The following UGT1A10 variants were observed in gnomAD, a reference collection of about 807,000 sequenced individuals.
UGT1A10 encodes the protein UDP glucuronosyltransferase family 1 member A10.
In UGT1A10, 49 loss-of-function variants were observed where a neutral mutation model predicts 45.8. That is an observed-to-expected ratio of 1.07 (90% CI 0.85 to 1.36). The LOEUF is 1.36. Among genes scored for constraint, UGT1A10 ranks in the 40% most tolerant of loss-of-function variants. The probability of loss-of-function intolerance (pLI) is 0.00; values close to 1 mark genes in which losing one functional copy is unlikely to be tolerated. For synonymous variants in UGT1A10, 284 were observed against 249.7 expected, an observed-to-expected ratio of 1.14 and a Z score of -1.29; for missense variants, 745 against 668.6, an observed-to-expected ratio of 1.11 and a Z score of -1.26.
Position 233,672,614 on chromosome 2 carries a change from C to T in UGT1A10, c.855+35237C>T, listed in dbSNP as rs1257709342. The T allele has an allele frequency of 1.9e-6, 3 of 1,613,722 alleles. No homozygotes were observed. The highest frequency in any genetic ancestry group is 4.5e-5 in the East Asian group (2 of 44,870). On this transcript the variant is annotated intron_variant, in intron 1 of 4. Transcript: ENST00000344644. ...TTATGCCACCGTTTTTTCAAAAATGCCCTAGAAATAGCCTCTGAAATTCTC... is the reference window on the plus strand; with the variant it reads ...TTATGCCACCGTTTTTTCAAAAATGTCCTAGAAATAGCCTCTGAAATTCTC...
intron 1 of UGT1A10, among the ~76,000 whole-genome samples, chr2:233,660,523 G>A (rs17863772): frequency 0.012 from 1,866 of 152,276 alleles, 16 homozygotes; most frequent in Admixed American, 0.02. Context: ...TGGAAAAAGT[G>A]TTTCTGTTGT....
At chr2:233,759,599 A>ACCCCCCCCCC (rs1553620419) in intron 1 of UGT1A10, among the ~76,000 whole-genome samples, 229 of 108,538 alleles carry the variant, frequency 2.1e-3, no homozygotes, top group African/African-American at 3.4e-3. Flanking sequence ...CCCACCCCCG[A>ACCCCCCCCCC]CCCGCCCCAC....
chr2:233,767,827 C>T (rs1252355867), intron 2 of UGT1A10, 22 bp from the exon 3 acceptor site: 1 of 1,614,176 alleles, frequency 6.2e-7, no homozygotes, highest in Non-Finnish European at 8.5e-7. Flanking sequence ...TCTTTACGTT[C>T]TGCTCTTTTT....
intron 1 of UGT1A10, among the ~76,000 whole-genome samples, chr2:233,684,736 A>G (rs45548336): frequency 0.02 from 3,110 of 152,174 alleles, 109 homozygotes; most frequent in African/African-American, 0.071. Context: ...TAGAAAATAA[A>G]TATAATTATC....
intron 1 of UGT1A10, chr2:233,682,347 TAAAGG>T: frequency 6.2e-7 from 1 of 1,614,138 alleles, no homozygotes; most frequent in Admixed American, 1.7e-5. Flanking sequence ...GTAGAATACT[TAAAGG>T]AGAGTTGTTT....
At chr2:233,744,039 G>C (rs1692664122) in intron 1 of UGT1A10, 1 of 770,658 alleles carries the variant, frequency 1.3e-6, no homozygotes, top group Non-Finnish European at 1.8e-6. Flanking sequence ...TTATGACGCA[G>C]CCACATCTCA....
intron 1 of UGT1A10, among the ~76,000 whole-genome samples, chr2:233,692,590 G>A (rs1014156032): frequency 6.6e-6 from 1 of 152,164 alleles, no homozygotes; most frequent in African/African-American, 2.4e-5. Flanking sequence ...GAATAGGTCC[G>A]TGTGCAAGAA....
intron 1 of UGT1A10, among the ~76,000 whole-genome samples, chr2:233,644,892 C>T (rs1448597697): frequency 6.6e-6 from 1 of 152,042 alleles, no homozygotes; most frequent in Non-Finnish European, 1.5e-5. Context: ...TAGTTGCTAA[C>T]TTGGTGTCTT....
rs1692776441 is a variant in UGT1A10 at position 233,744,329 on chromosome 2, T to A, written c.856-22705T>A. ...AGGGAAGAGGGTGGTGGGAGTGAGT[T>A]TAGTCTGACTGGGGCTGAAGACATC... On this transcript the variant is annotated intron_variant, in intron 1 of 4. Transcript: ENST00000344644. 1.3e-5 allele frequency among the ~76,000 whole-genome samples: 2 copies of A among 151,824 alleles called. 1 individual carries two copies. The highest frequency in any genetic ancestry group is 4.9e-5 in the African/African-American group (2 of 41,084).
intron 1 of UGT1A10, chr2:233,719,331 T>C: frequency 6.2e-7 from 1 of 1,613,868 alleles, no homozygotes; most frequent in Non-Finnish European, 8.5e-7. Flanking sequence ...TCCTGCTGTG[T>C]TTTTTTGGAG....
intron 1 of UGT1A10, chr2:233,747,202 T>G: frequency 5.0e-6 from 8 of 1,604,908 alleles, no homozygotes; most frequent in South Asian, 1.1e-5. Context: ...GCTGTCCGTG[T>G]CTTCTGCTGA....
In UGT1A10 at chr2:233,772,247, T is replaced by C. The variant is rs192933567; in HGVS notation, c.1296-15T>C. The C allele has an allele frequency of 3.1e-6, 5 of 1,614,090 alleles. No individual in the cohort carries two copies. In the African/African-American group the frequency reaches 5.3e-5, roughly 17 times the overall value. On this transcript the variant is annotated splice_polypyrimidine_tract_variant and intron_variant, in intron 4 of 4. Transcript: ENST00000344644. ...ACAGGTGTTCCAGGCATAACGAAAC[T>C]GTCTTTGTGTTTAGTTACAAGGAGA...
chr2:233,725,861 T>C (rs1225689926), intron 1 of UGT1A10, among the ~76,000 whole-genome samples: 2 of 152,194 alleles, frequency 1.3e-5, no homozygotes, highest in East Asian at 1.9e-4. Context: ...ATTCCCCATC[T>C]CTTTTAATTT....
intron 1 of UGT1A10, among the ~76,000 whole-genome samples, chr2:233,737,688 T>C (rs2078910745): frequency 6.6e-6 from 1 of 152,202 alleles, no homozygotes; most frequent in Non-Finnish European, 1.5e-5. Context: ...TGGCCATTGG[T>C]GCTGAAGCTT....
At chr2:233,754,510 C>T in intron 1 of UGT1A10, 1 of 361,188 alleles carries the variant, frequency 2.8e-6, no homozygotes. Flanking sequence ...GCTATTCCTC[C>T]AGATGTGCTT....
chr2:233,744,852 T>C (rs17864703), intron 1 of UGT1A10, among the ~76,000 whole-genome samples: 15 of 152,070 alleles, frequency 9.9e-5, no homozygotes, highest in Non-Finnish European at 1.3e-4. Flanking sequence ...AGAGTAGTCC[T>C]TGGTATTCTG....
At chr2:233,677,080 A>C (rs1298485853) in intron 1 of UGT1A10, among the ~76,000 whole-genome samples, 1 of 152,144 alleles carries the variant, frequency 6.6e-6, no homozygotes, top group Non-Finnish European at 1.5e-5. Flanking sequence ...AATGTGTGCA[A>C]AAATCCTGCT....
intron 1 of UGT1A10, chr2:233,648,815 A>C (rs1474378429): frequency 9.9e-7 from 1 of 1,005,078 alleles, no homozygotes; most frequent in Admixed American, 1.8e-5. Flanking sequence ...TTCTACTTAG[A>C]GGAGCATTTA....
intron 1 of UGT1A10, among the ~76,000 whole-genome samples, chr2:233,670,991 G>C (rs2074173914): frequency 6.6e-6 from 1 of 152,116 alleles, no homozygotes; most frequent in African/African-American, 2.4e-5. Flanking sequence ...TATGGATGGG[G>C]GCAGTCCTAT....
Sources: allele counts gnomAD v4.1 joint callset (sites outside exome capture counted in the v4.1 genomes callset), GRCh38; gene constraint gnomAD v4.1.1; transcripts MANE v1.5; gene names NCBI Gene and HGNC (gene_info 2026-07-23, HGNC 2026-07-21).